Variants in CELA3B observed in about 807,000 individuals in gnomAD.
CELA3B encodes chymotrypsin-like elastase family member 3B.
CELA3B carries 34 observed loss-of-function variants against 37.2 expected under a neutral mutation model. The ratio of observed to expected loss-of-function variants is 0.91; its 90% confidence interval spans 0.70 to 1.22. The LOEUF is 1.22. Ranked by LOEUF, CELA3B falls within the 50% of genes most tolerant of loss-of-function variation. The pLI is 0.00. For synonymous variants in CELA3B, 127 were observed against 143.5 expected (o/e 0.89, Z 0.82); for missense variants, 340 against 363.1 (o/e 0.94, Z 0.52).
intron 7 of CELA3B, among the ~76,000 whole-genome samples, chr1:21,988,569 C>T (rs1259380423): frequency 3.6e-4 from 47 of 132,312 alleles, no homozygotes; most frequent in Non-Finnish European, 6.3e-4. Flanking sequence ...CCAGCCTGGG[C>T]GACAGAGCAA....
intron 4 of CELA3B, among the ~76,000 whole-genome samples, chr1:21,995,281 G>C (rs1232826087): frequency 2.0e-5 from 3 of 149,940 alleles, no homozygotes; most frequent in Non-Finnish European, 3.0e-5. Flanking sequence ...TGGGACTACA[G>C]GTGTGTACCA....
At chr1:21,983,982 G>C in intron 5 of CELA3B, 152 bp downstream of exon 5, 2 of 1,416,970 alleles carry the variant, frequency 1.4e-6, no homozygotes, top group Non-Finnish European at 1.9e-6. Flanking sequence ...TCCAAAACAC[G>C]AATGTGGTCA....
chr1:21,986,482 A>G (rs560582252), intron 6 of CELA3B, 49 bp from the exon 7 acceptor site: 174 of 1,604,200 alleles, frequency 1.1e-4, no homozygotes, highest in South Asian at 6.5e-4. Flanking sequence ...AACCAGTTCC[A>G]TAAACCTCAG....
At position 21,988,520 on chromosome 1, in the gene CELA3B, G is replaced by A. The variant is rs148112058; in HGVS notation, c.796-742G>A. 2.1e-4 allele frequency among the ~76,000 whole-genome samples: 32 copies of A among 150,214 alleles called. 1 individual carries two copies. The East Asian group carries it at 5.1e-3, about 24-fold the overall frequency. On this transcript the variant is annotated intron_variant, in intron 7 of 7. Coordinates refer to ENST00000337107, the MANE Select transcript of CELA3B (RefSeq NM_007352.4). Reference sequence around the variant, plus strand: ...GTAGAAGAATTGCTTGAACTCGGGAGGCAGAAGTTGCAGTGAGCCAAGATT... The same window carrying A: ...GTAGAAGAATTGCTTGAACTCGGGAAGCAGAAGTTGCAGTGAGCCAAGATT...
Position 21,986,413 on chromosome 1 carries a change from G to A in CELA3B, c.643-118G>A, listed in dbSNP as rs146698313. ...TAATAAATGATTAAAAAAAATGAGC[G>A]AGCTAAGGCTCAGAGGAGTCAGGTA... On this transcript the variant is annotated intron_variant, in intron 6 of 7. Coordinates refer to ENST00000337107, the MANE Select transcript of CELA3B (RefSeq NM_007352.4). The A allele has an allele frequency of 6.9e-4, 883 of 1,278,342 alleles. 4 individuals are homozygous for A. The Middle Eastern group carries it at 9.3e-3, about 13-fold the overall frequency. The allele number at this position is 1,278,342 out of a possible 1,614,324, so 79.2% of individuals were successfully genotyped here. A position where few individuals can be genotyped will look rare whatever the true frequency, so the allele number is the denominator to read the frequency against.
downstream of CELA3B, among the ~76,000 whole-genome samples, chr1:21,991,979 G>A (rs547093834): frequency 7.2e-6 from 1 of 139,724 alleles, no homozygotes; most frequent in Non-Finnish European, 1.6e-5. Flanking sequence ...AATTAGGCAG[G>A]TGTGGTGGTG....
intron 2 of CELA3B, among the ~76,000 whole-genome samples, chr1:21,980,206 G>A (rs1244830659): frequency 4.7e-4 from 63 of 134,366 alleles, no homozygotes; most frequent in Non-Finnish European, 5.9e-4. Context: ...GGGGCTGGGC[G>A]CGGTGGCTCA....
intron 6 of CELA3B, among the ~76,000 whole-genome samples, chr1:21,985,848 G>A (rs191505409): frequency 0.022 from 3,411 of 151,784 alleles, 60 homozygotes; most frequent in Non-Finnish European, 0.033. Context: ...CCGAGATCGC[G>A]CCCCTGCACT....
chr1:21,983,697 T>C lies in CELA3B; in HGVS notation c.366T>C (p.Asn122=), dbSNP rs41266015. The change falls in exon 5 of 8, where the codon AAT becomes AAC. Residue 122 remains asparagine (N), a synonymous_variant. Coordinates refer to ENST00000337107, the MANE Select transcript of CELA3B (RefSeq NM_007352.4). ...GTGACTGTTCCCTCCTCCCCAGCAA[T>C]GACATCGCCCTCATCAAGCTCTCAC... is the stretch of plus-strand genomic sequence containing the variant. ...LWNRSCVACG[N]DIALIKLSRS... is the part of the protein sequence containing the mutation. The C allele has an allele frequency of 0.077, 123,836 of 1,613,308 alleles. 5,531 individuals carry two copies. Among genetic ancestry groups the C allele is most frequent in the East Asian group, 0.17 (7,522 of 44,844 alleles).
chr1:21,997,690 CA>C (rs35751810), intron 4 of CELA3B, among the ~76,000 whole-genome samples: 66,764 of 131,840 alleles, frequency 0.51, 18,442 homozygotes, highest in Middle Eastern at 0.73. Flanking sequence ...ACTTCGTCTC[CA>C]AAAAAAAAAA....
At chr1:21,986,782 C>T (rs1644841237) in intron 7 of CELA3B, 99 bp downstream of exon 7, 1 of 1,363,580 alleles carries the variant, frequency 7.3e-7, no homozygotes, top group South Asian at 1.4e-5. Flanking sequence ...CTGAAAGGAT[C>T]CTAGAAGCTC....
At chr1:21,985,618 T>G (rs7512878) in intron 6 of CELA3B, among the ~76,000 whole-genome samples, 144,100 of 151,032 alleles carry the variant, frequency 0.95, 69,004 homozygotes, top group Non-Finnish European at 0.99. Context: ...ATGGCCGGGC[T>G]TGGTGGCTCA....
intron 4 of CELA3B, among the ~76,000 whole-genome samples, chr1:21,996,397 G>C (rs145241520): frequency 6.6e-6 from 1 of 151,060 alleles, no homozygotes; most frequent in Admixed American, 6.6e-5. Context: ...ACCTCGGGTC[G>C]TCCTGACTGC....
chr1:21,993,576 G>A (rs1057120565), downstream of CELA3B, among the ~76,000 whole-genome samples: 9 of 150,582 alleles, frequency 6.0e-5, no homozygotes, highest in African/African-American at 2.0e-4. Context: ...ACGCAGTCTC[G>A]CTCTGTTGTC....
intron 6 of CELA3B, among the ~76,000 whole-genome samples, chr1:21,985,869 C>G (rs562857369): frequency 6.6e-6 from 1 of 151,444 alleles, no homozygotes; most frequent in Non-Finnish European, 1.5e-5. Context: ...CCAACCTGGG[C>G]GACAGAGCGA....
At chr1:21,983,332 G>GCAA (rs1250400110) in intron 4 of CELA3B, among the ~76,000 whole-genome samples, 1 of 150,878 alleles carries the variant, frequency 6.6e-6, no homozygotes, top group Admixed American at 6.7e-5. Flanking sequence ...TCCAGCCTGG[G>GCAA]CAACAGAGCG....
chr1:21,992,214 T>C (rs1238460961), downstream of CELA3B, among the ~76,000 whole-genome samples: 1 of 151,444 alleles, frequency 6.6e-6, no homozygotes, highest in African/African-American at 2.4e-5. Context: ...ATGTTCACTG[T>C]GGGGTGGAGA....
At chr1:21,995,439 G>A (rs1644886616) in intron 4 of CELA3B, among the ~76,000 whole-genome samples, 1 of 151,150 alleles carries the variant, frequency 6.6e-6, no homozygotes, top group Admixed American at 6.6e-5. Flanking sequence ...CACCCTGCTT[G>A]TTAAGAGGAC....
intron 2 of CELA3B, among the ~76,000 whole-genome samples, chr1:21,978,983 G>A (rs1644787955): frequency 1.3e-5 from 2 of 151,576 alleles, no homozygotes; most frequent in South Asian, 2.1e-4. Context: ...GGAGGTGGAG[G>A]TTGCAGTGAG....
Sources: allele counts gnomAD v4.1 joint callset (sites outside exome capture counted in the v4.1 genomes callset), GRCh38; gene constraint gnomAD v4.1.1; transcripts MANE v1.5; gene names NCBI Gene and HGNC (gene_info 2026-07-23, HGNC 2026-07-21).